The following GRIK3 variants were observed in gnomAD, a reference collection of about 807,000 sequenced individuals.
The protein encoded by GRIK3 is glutamate ionotropic receptor kainate type subunit 3, also known as glutamate receptor ionotropic, kainate 3.
GRIK3 carries 29 observed loss-of-function variants against 102.5 expected under a neutral mutation model. The observed-to-expected ratio is 0.28, with a 90% confidence interval of 0.21 to 0.39. The LOEUF (loss-of-function observed/expected upper bound fraction) is 0.39, where lower values mean the gene tolerates loss of function less well. Among genes scored for constraint, GRIK3 ranks in the 10% least tolerant of loss-of-function variants. The pLI is 1.00. For synonymous variants in GRIK3, 511 were observed against 504.9 expected, an observed-to-expected ratio of 1.01 and a Z score of -0.16; for missense variants, 908 against 1,252.4, an observed-to-expected ratio of 0.73 and a Z score of 4.15.
chr1:36,843,219 C>A (rs1640480820), intron 9 of GRIK3, among the ~76,000 whole-genome samples: 1 of 152,184 alleles, frequency 6.6e-6, no homozygotes, highest in Non-Finnish European at 1.5e-5. Context: ...TGCAGCAAGT[C>A]CGAATCCAGG....
At chr1:36,990,054 C>T (rs1414492489) in intron 1 of GRIK3, among the ~76,000 whole-genome samples, 1 of 152,184 alleles carries the variant, frequency 6.6e-6, no homozygotes, top group Non-Finnish European at 1.5e-5. Context: ...GGTGTAGCTT[C>T]TGAGTGGACC....
At chr1:37,000,069 T>C (rs1642459509) in intron 1 of GRIK3, among the ~76,000 whole-genome samples, 1 of 152,238 alleles carries the variant, frequency 6.6e-6, no homozygotes, top group South Asian at 2.1e-4. Context: ...TTCTGGTGAA[T>C]GTCCCCATAG....
chr1:36,986,929 C>T (rs944939020), intron 1 of GRIK3, among the ~76,000 whole-genome samples: 4 of 152,208 alleles, frequency 2.6e-5, no homozygotes, highest in African/African-American at 9.6e-5. Flanking sequence ...TTTCAGATCT[C>T]GGTCTAGGAA....
At chr1:36,802,972 C>T (rs1006772145) in intron 15 of GRIK3, among the ~76,000 whole-genome samples, 1 of 152,136 alleles carries the variant, frequency 6.6e-6, no homozygotes, top group African/African-American at 2.4e-5. Context: ...AGGCACTGTT[C>T]CAGGTGTTAG....
At chr1:36,989,991 C>T (rs565067567) in intron 1 of GRIK3, among the ~76,000 whole-genome samples, 2 of 152,176 alleles carry the variant, frequency 1.3e-5, no homozygotes, top group Admixed American at 6.5e-5. Context: ...AATGGAAGCA[C>T]AGGGAGGCTA....
intron 2 of GRIK3, among the ~76,000 whole-genome samples, chr1:36,887,678 C>A (rs1368253209): frequency 6.6e-6 from 1 of 151,092 alleles, no homozygotes; most frequent in East Asian, 1.9e-4. Flanking sequence ...ATTGCTTGAA[C>A]CCAAGAGGCG....
At chr1:37,025,538 C>CCTGGAGCCCTGGAAAGT (rs1324258900) in intron 1 of GRIK3, among the ~76,000 whole-genome samples, 12 of 152,336 alleles carry the variant, frequency 7.9e-5, no homozygotes, top group African/African-American at 2.9e-4. Flanking sequence ...AAATGTGATG[C>CCTGGAGCCCTGGAAAGT]CTGGAGCCCT....
intron 10 of GRIK3, among the ~76,000 whole-genome samples, chr1:36,839,099 G>A (rs969395587): frequency 4.6e-5 from 7 of 152,284 alleles, no homozygotes; most frequent in Admixed American, 2.6e-4. Context: ...GGGGCCACTG[G>A]AGATGTTGTG....
At chr1:36,902,885 G>A (rs1304198087) in intron 1 of GRIK3, among the ~76,000 whole-genome samples, 1 of 152,040 alleles carries the variant, frequency 6.6e-6, no homozygotes, top group Non-Finnish European at 1.5e-5. Context: ...TGCCTCCTGG[G>A]TTCGAGTGAT....
chr1:36,912,356 C>A (rs1641355566), intron 1 of GRIK3, among the ~76,000 whole-genome samples: 1 of 152,154 alleles, frequency 6.6e-6, no homozygotes, highest in Non-Finnish European at 1.5e-5. Flanking sequence ...AGCTTCCTCG[C>A]CCCTTGCAGG....
chr1:36,921,700 G>C (rs565981799), intron 1 of GRIK3, among the ~76,000 whole-genome samples: 19 of 152,148 alleles, frequency 1.2e-4, no homozygotes, highest in African/African-American at 3.4e-4. Flanking sequence ...ATAGTATAAT[G>C]GGTGGCATTT....
In GRIK3 at chr1:36,973,576, C is replaced by T. The variant is rs182589533; in HGVS notation, c.115+60418G>A. Reference sequence around the variant, plus strand: ...CTGGGACTACAGGCATGCGCCACCACGCCCGGCTAATTTTTTTTTTTTTTG... The same window carrying T: ...CTGGGACTACAGGCATGCGCCACCATGCCCGGCTAATTTTTTTTTTTTTTG... On this transcript the variant is annotated intron_variant, in intron 1 of 15. Coordinates refer to ENST00000373091, the MANE Select transcript of GRIK3 (RefSeq NM_000831.4). 2.6e-3 allele frequency among the ~76,000 whole-genome samples: 385 copies of T among 145,994 alleles called. 3 individuals carry two copies. The highest frequency in any genetic ancestry group is 9.2e-3 in the African/African-American group (343 of 37,252).
intron 1 of GRIK3, among the ~76,000 whole-genome samples, chr1:36,976,592 G>A (rs779502145): frequency 1.4e-4 from 21 of 152,056 alleles, no homozygotes; most frequent in Admixed American, 1.3e-4. Flanking sequence ...CAACTGCCCA[G>A]ATTGAGGATT....
At chr1:37,014,102 CAG>C (rs1373909927) in intron 1 of GRIK3, among the ~76,000 whole-genome samples, 1 of 152,264 alleles carries the variant, frequency 6.6e-6, no homozygotes, top group Non-Finnish European at 1.5e-5. Flanking sequence ...GCCACCTCTC[CAG>C]AGAGGCCCTT....
At chr1:37,005,228 T>C (rs1449137895) in intron 1 of GRIK3, among the ~76,000 whole-genome samples, 1 of 152,210 alleles carries the variant, frequency 6.6e-6, no homozygotes, top group African/African-American at 2.4e-5. Flanking sequence ...GCCAGCCTCT[T>C]TGGACATCAT....
intron 2 of GRIK3, among the ~76,000 whole-genome samples, chr1:36,886,585 T>C (rs1180710160): frequency 6.6e-6 from 1 of 152,156 alleles, no homozygotes; most frequent in African/African-American, 2.4e-5. Flanking sequence ...AGCAGAGGGA[T>C]GGTATCTGTC....
intron 1 of GRIK3, among the ~76,000 whole-genome samples, chr1:36,925,898 T>C (rs1641522097): frequency 6.6e-6 from 1 of 152,194 alleles, no homozygotes; most frequent in Non-Finnish European, 1.5e-5. Context: ...GCCTGACCTG[T>C]AGGCCCCAAG....
At chr1:36,827,416 AG>A (rs578139836) in intron 10 of GRIK3, among the ~76,000 whole-genome samples, 46 of 146,142 alleles carry the variant, frequency 3.1e-4, no homozygotes, top group African/African-American at 1.3e-3. Flanking sequence ...AACAACAGAA[AG>A]GTTAAAGACC....
At chr1:37,019,266 C>T (rs913383678) in intron 1 of GRIK3, among the ~76,000 whole-genome samples, 6 of 152,196 alleles carry the variant, frequency 3.9e-5, no homozygotes, top group Non-Finnish European at 7.3e-5. Context: ...ATAAATGTGA[C>T]AGCTCAGGGG....
Sources: gnomAD v4.1 joint callset for allele counts (sites outside exome capture counted in the v4.1 genomes callset) on GRCh38, gnomAD v4.1.1 for gene constraint, MANE v1.5 for transcripts, NCBI Gene and HGNC (gene_info 2026-07-23, HGNC 2026-07-21) for gene names.